BDP1: variants seen among roughly 807,000 people sequenced by gnomAD.
BDP1 encodes the protein BDP1 general transcription factor IIIB subunit.
In BDP1, 169 loss-of-function variants were observed where a neutral mutation model predicts 266.6. The ratio of observed to expected loss-of-function variants is 0.63; its 90% CI spans 0.56 to 0.72. The LOEUF is 0.72. BDP1 is among the 30% of genes least tolerant of loss of function. The pLI is 0.00. For synonymous variants in BDP1, 1,090 were observed against 1,022.4 expected, an observed-to-expected ratio of 1.07 and a Z score of -1.26; for missense variants, 3,015 against 3,053.8, an observed-to-expected ratio of 0.99 and a Z score of 0.30.
At chr5:71,552,019 C>T (rs1342235727) in intron 34 of BDP1, among the ~76,000 whole-genome samples, 3 of 151,108 alleles carry the variant, frequency 2.0e-5, no homozygotes, top group South Asian at 2.1e-4. Context: ...ACCTCCCTCC[C>T]GGACGGGGTG....
intron 2 of BDP1, among the ~76,000 whole-genome samples, chr5:71,459,761 T>C (rs1407006566): frequency 6.6e-6 from 1 of 152,200 alleles, no homozygotes; most frequent in Non-Finnish European, 1.5e-5. Context: ...GGTAATTTAA[T>C]TAATCTATTT....
intron 20 of BDP1, among the ~76,000 whole-genome samples, chr5:71,515,505 A>G (rs528380482): frequency 6.6e-6 from 1 of 152,298 alleles, no homozygotes; most frequent in Admixed American, 6.5e-5. Context: ...GATAAGTATA[A>G]TGCAAATATT....
At chr5:71,552,793 A>C (rs1297165281) in intron 34 of BDP1, among the ~76,000 whole-genome samples, 3 of 152,252 alleles carry the variant, frequency 2.0e-5, no homozygotes, top group Non-Finnish European at 4.4e-5. Flanking sequence ...TCGGCTCGGC[A>C]TCAGAGGGAG....
At chr5:71,549,225 G>A (rs893623135) in intron 33 of BDP1, among the ~76,000 whole-genome samples, 195 bp from the exon 34 acceptor site, 2 of 152,076 alleles carry the variant, frequency 1.3e-5, no homozygotes, top group South Asian at 2.1e-4. Context: ...GCGACAGAGC[G>A]AGACTCTGTC....
intron 10 of BDP1, among the ~76,000 whole-genome samples, chr5:71,490,699 G>A (rs1304880083): frequency 6.6e-6 from 1 of 152,102 alleles, no homozygotes; most frequent in African/African-American, 2.4e-5. Context: ...GAATAGTTAA[G>A]TCAACTTTTA....
rs375443211 is a variant in BDP1, at chr5:71,527,820, CT to C, written c.5772+3512del. Among the ~76,000 whole-genome samples, 803 of 139,856 alleles carry C rather than the reference CT, an allele frequency of 5.7e-3. 2 individuals are homozygous for C. The highest frequency in any genetic ancestry group is 9.7e-3 in the African/African-American group (373 of 38,280). 91.8% of individuals were successfully genotyped at this position (139,856 alleles called of 152,430 possible). A position where few individuals can be genotyped will look rare whatever the true frequency, so the allele number is the denominator to read the frequency against. On this transcript the variant is annotated intron_variant, in intron 25 of 38. Coordinates refer to ENST00000358731, the MANE Select transcript of BDP1 (RefSeq NM_018429.3). Reference sequence around the variant, plus strand: ...GGATCGTATGGTAATTCTTTTAATTCTTTTTTTTTTTTTTTGAGATGGAGTC... The same window carrying C: ...GGATCGTATGGTAATTCTTTTAATTCTTTTTTTTTTTTTTGAGATGGAGTC...
intron 7 of BDP1, among the ~76,000 whole-genome samples, chr5:71,479,633 G>T (rs890694412): frequency 1.3e-5 from 2 of 151,052 alleles, no homozygotes; most frequent in African/African-American, 4.9e-5. Flanking sequence ...TGCAAGCTCC[G>T]CCTCCCGGGT....
At chr5:71,554,652 C>T (rs1743092557) in intron 35 of BDP1, among the ~76,000 whole-genome samples, 2 of 152,040 alleles carry the variant, frequency 1.3e-5, no homozygotes, top group Non-Finnish European at 2.9e-5. Flanking sequence ...GACTATGATA[C>T]GCCATTTAAA....
At chr5:71,520,518 A>AT (rs1765441886) in intron 22 of BDP1, among the ~76,000 whole-genome samples, 1 of 152,198 alleles carries the variant, frequency 6.6e-6, no homozygotes, top group Non-Finnish European at 1.5e-5. Context: ...AACATTACAG[A>AT]TGAATTTGTT....
chr5:71,553,730 C>CA (rs1743018274), intron 35 of BDP1, among the ~76,000 whole-genome samples: 1 of 152,088 alleles, frequency 6.6e-6, no homozygotes, highest in Non-Finnish European at 1.5e-5. Flanking sequence ...TAAAGCTACC[C>CA]ATTGCTTTTA....
intron 35 of BDP1, among the ~76,000 whole-genome samples, chr5:71,554,548 C>T (rs983874752): frequency 6.6e-6 from 1 of 152,166 alleles, no homozygotes; most frequent in Admixed American, 6.5e-5. Flanking sequence ...TATCAGCATT[C>T]CATGCAGACA....
chr5:71,578,030 C>T, the BDP1 span, among the ~76,000 whole-genome samples: 8 of 152,160 alleles, frequency 5.3e-5, no homozygotes, highest in Non-Finnish European at 8.8e-5. Context: ...TGGGCAAACT[C>T]GCTTCTGTGC....
downstream of BDP1, among the ~76,000 whole-genome samples, chr5:71,572,632 T>G (rs901145670): frequency 1.3e-5 from 2 of 152,240 alleles, no homozygotes; most frequent in Non-Finnish European, 2.9e-5. Context: ...GCTTAAAGTT[T>G]CGTTGAAACA....
intron 36 of BDP1, among the ~76,000 whole-genome samples, chr5:71,558,190 T>A (rs1412337895): frequency 6.6e-6 from 1 of 152,202 alleles, no homozygotes; most frequent in African/African-American, 2.4e-5. Flanking sequence ...GAGTTAGAGT[T>A]ACAAGATAGA....
At chr5:71,520,153 A>C (rs145534269) in intron 22 of BDP1, among the ~76,000 whole-genome samples, 1 of 151,894 alleles carries the variant, frequency 6.6e-6, no homozygotes, top group East Asian at 1.9e-4. Flanking sequence ...TAATCAGATT[A>C]TTTGTTTTTT....
chr5:71,467,390 T>C lies in BDP1; in HGVS notation c.822T>C (p.Cys274=), dbSNP rs765469637. 1.9e-6 allele frequency: 3 copies of C among 1,610,638 alleles called. No individual in the cohort carries two copies. Among genetic ancestry groups the C allele is most frequent in the East Asian group, 2.2e-5 (1 of 44,812 alleles). Residue 274 remains cysteine, a synonymous_variant, in exon 6 of 39, where the codon TGT becomes TGC. Coordinates refer to ENST00000358731, the MANE Select transcript of BDP1 (RefSeq NM_018429.3). ...AAGTTTTAAGAACAAAAGGCCCTTG[T>C]GTTGTTGAAGAAAATGACCCCATAT... ...TVEVLRTKGP[C]VVEENDPIFE... is the part of the protein sequence containing the mutation.
At chr5:71,568,352 T>A (rs1049615080), downstream of BDP1, among the ~76,000 whole-genome samples, 2 of 152,260 alleles carry the variant, frequency 1.3e-5, no homozygotes, top group Middle Eastern at 3.4e-3. Context: ...ACCCAGTAAG[T>A]AGGTTGGGGT....
At chr5:71,539,151 T>A in intron 27 of BDP1, 73 bp downstream of exon 27, 1 of 1,015,238 alleles carries the variant, frequency 9.8e-7, no homozygotes, top group Non-Finnish European at 1.5e-6. Context: ...GTGGGGATAA[T>A]AAATGAATCA....
In BDP1 at chr5:71,508,611, T is replaced by C. The variant is rs144462943; in HGVS notation, c.2373-854T>C. On this transcript the variant is annotated intron_variant, in intron 16 of 38. Transcript: ENST00000358731. Reference sequence around the variant, plus strand: ...ATACGTCTTTTTTTAAGCTGTTGAATGTATAGTTATATACCTGTTCAGTCC... The same window carrying C: ...ATACGTCTTTTTTTAAGCTGTTGAACGTATAGTTATATACCTGTTCAGTCC... Among the ~76,000 whole-genome samples, 37 of 152,288 alleles carry C rather than the reference T, an allele frequency of 2.4e-4. 1 individual carries two copies. In the East Asian group the frequency reaches 6.8e-3, roughly 28 times the overall value.
Sources: gnomAD v4.1 joint callset for allele counts (sites outside exome capture counted in the v4.1 genomes callset) on GRCh38, gnomAD v4.1.1 for gene constraint, MANE v1.5 for transcripts, NCBI Gene and HGNC (gene_info 2026-07-23, HGNC 2026-07-21) for gene names.